Variants in MARCHF4 observed in about 807,000 individuals in gnomAD.
MARCHF4 encodes E3 ubiquitin-protein ligase MARCHF4.
MARCHF4 carries 14 observed loss-of-function variants against 43.9 expected under a neutral mutation model. That is an observed-to-expected ratio of 0.32 (90% CI 0.21 to 0.50). MARCHF4 has a LOEUF of 0.50. MARCHF4 is among the 20% of genes least tolerant of loss of function. MARCHF4 has a pLI of 0.98. For missense variants in MARCHF4, 468 were observed against 536.7 expected, an observed-to-expected ratio of 0.87 and a Z score of 1.27; for synonymous variants, 226 against 213.3, an observed-to-expected ratio of 1.06 and a Z score of -0.52.
rs556023424 is a variant in MARCHF4, at chr2:216,317,893, T to C, written c.517-34164A>G. ...GACAGTTTGTGCTGATGGAGGACAA[T>C]AGAAAGATCTCAGCCATTGTGCCAG... On this transcript the variant is annotated intron_variant, in intron 1 of 3. Transcript: ENST00000273067. 3.1e-4 allele frequency among the ~76,000 whole-genome samples: 47 copies of C among 152,198 alleles called. No individual in the cohort carries two copies. In the South Asian group the frequency reaches 3.5e-3, roughly 11 times the overall value.
chr2:216,320,122 C>A (rs1414425859), intron 1 of MARCHF4, among the ~76,000 whole-genome samples: 1 of 152,108 alleles, frequency 6.6e-6, no homozygotes, highest in Non-Finnish European at 1.5e-5. Context: ...CTGTAAGACA[C>A]AAAGATATAT....
At chr2:216,328,180 GT>G (rs945508136) in intron 1 of MARCHF4, among the ~76,000 whole-genome samples, 1 of 151,852 alleles carries the variant, frequency 6.6e-6, no homozygotes, top group African/African-American at 2.4e-5. Flanking sequence ...TTTTGTTTTG[GT>G]TTTTTTTGAG....
chr2:216,358,868 G>A (rs957969394), intron 1 of MARCHF4, among the ~76,000 whole-genome samples: 2 of 152,174 alleles, frequency 1.3e-5, no homozygotes, highest in African/African-American at 4.8e-5. Flanking sequence ...ACACTTCATT[G>A]TTGGGACTTA....
chr2:216,275,380 A>G (rs1424435730), intron 3 of MARCHF4, among the ~76,000 whole-genome samples: 1 of 152,180 alleles, frequency 6.6e-6, no homozygotes, highest in Non-Finnish European at 1.5e-5. Context: ...AGACCTATGC[A>G]TGACAGCCCC....
intron 3 of MARCHF4, 47 bp downstream of exon 3, chr2:216,277,625 G>T: frequency 6.5e-7 from 1 of 1,531,656 alleles, no homozygotes; most frequent in South Asian, 1.3e-5. Flanking sequence ...TCCATCCCAC[G>T]AGCACATGGT....
rs1026260177 is a variant in MARCHF4, at chr2:216,370,864, AG to A, written c.-605del. On this transcript the variant is annotated 5_prime_UTR_variant, in exon 1 of 4. Transcript: ENST00000273067. ...TGGTAGGGGTTGGGGGAGTCAAGGT[AG>A]GGGAGGAGAGAAGATTGGGAGAAGT... 2 of 151,488 alleles carry A rather than the reference AG, an allele frequency of 1.3e-5. No individual in the cohort carries two copies. Among genetic ancestry groups the A allele is most frequent in the African/African-American group, 4.9e-5 (2 of 41,126 alleles). The allele number at this position is 151,488 out of a possible 1,614,324, so 9.4% of individuals were successfully genotyped here.
chr2:216,354,898 T>TCTTTCTTTCTTTCTTTCTTCCTTC (rs1491431037), intron 1 of MARCHF4, among the ~76,000 whole-genome samples: 2 of 44,644 alleles, frequency 4.5e-5, no homozygotes, highest in Non-Finnish European at 8.1e-5. Context: ...TTGTTTTCTT[T>TCTTTCTTTCTTTCTTTCTTCCTTC]CTTTCTTTCT....
At chr2:216,272,576 G>GC (rs1279139109) in intron 3 of MARCHF4, among the ~76,000 whole-genome samples, 1 of 152,180 alleles carries the variant, frequency 6.6e-6, no homozygotes, top group African/African-American at 2.4e-5. Context: ...CCAATCCTCT[G>GC]CTCCACCATT....
rs192534513 is a variant in MARCHF4, at chr2:216,348,104, C to A, written c.516+21641G>T. On this transcript the variant is annotated intron_variant, in intron 1 of 3. Coordinates refer to ENST00000273067, the MANE Select transcript of MARCHF4 (RefSeq NM_020814.3). ...CCAGGCTGGAGTGCAATGGCGTGAT[C>A]TCAGCTCACTGAAACCTCCGCCTCC... Among the ~76,000 whole-genome samples the A allele has an allele frequency of 2.8e-5, 4 of 142,404 alleles. No individual in the cohort carries two copies. In the East Asian group the frequency reaches 8.7e-4, roughly 31 times the overall value. The allele number at this position is 142,404 out of a possible 152,430, so 93.4% of individuals were successfully genotyped here. A position where few individuals can be genotyped will look rare whatever the true frequency, so the allele number is the denominator to read the frequency against.
At chr2:216,321,282 T>C (rs975929761) in intron 1 of MARCHF4, among the ~76,000 whole-genome samples, 1 of 152,118 alleles carries the variant, frequency 6.6e-6, no homozygotes, top group African/African-American at 2.4e-5. Context: ...CAATGGTAAA[T>C]ACAAATAGAA....
At chr2:216,286,166 C>T (rs997521493) in intron 1 of MARCHF4, among the ~76,000 whole-genome samples, 8 of 152,188 alleles carry the variant, frequency 5.3e-5, no homozygotes, top group African/African-American at 1.2e-4. Context: ...TCCCCTCCAG[C>T]GAACCATTCA....
intron 1 of MARCHF4, among the ~76,000 whole-genome samples, chr2:216,364,438 C>G (rs553074020): frequency 6.6e-6 from 1 of 152,246 alleles, no homozygotes; most frequent in South Asian, 2.1e-4. Context: ...ACCCCTAGCT[C>G]TAGAGGACCC....
Position 216,259,599 on chromosome 2 carries a change from T to C in MARCHF4, c.946A>G (p.Asn316Asp), listed in dbSNP as rs368706261. The change falls in exon 4 of 4, where the codon AAC becomes GAC. Residue 316 changes from asparagine (N) to aspartate (D), a missense_variant. Coordinates refer to ENST00000273067, the MANE Select transcript of MARCHF4 (RefSeq NM_020814.3). The stretch of plus-strand genomic sequence containing the variant: ...TCCAGGTCTTTTGTCTTGTCATAGT[T>C]CAGCACTTTCCACTGCTGGTTGACA... ...QAVNQQWKVL[N>D]YDKTKDLEDQ... 3.1e-6 allele frequency: 5 copies of C among 1,614,202 alleles called. No individual in the cohort carries two copies. The highest frequency in any genetic ancestry group is 4.2e-6 in the Non-Finnish European group (5 of 1,180,020).
At chr2:216,344,152 G>T (rs991932128) in intron 1 of MARCHF4, among the ~76,000 whole-genome samples, 1 of 152,002 alleles carries the variant, frequency 6.6e-6, no homozygotes, top group Non-Finnish European at 1.5e-5. Flanking sequence ...AATGGGAAGT[G>T]GCATTTTTAC....
At chr2:216,266,594 C>T (rs1690848669) in intron 3 of MARCHF4, among the ~76,000 whole-genome samples, 1 of 152,176 alleles carries the variant, frequency 6.6e-6, no homozygotes, top group Admixed American at 6.5e-5. Flanking sequence ...CACAGAGAGG[C>T]ACTCTCCTTC....
rs890740487 is a variant in MARCHF4 at position 216,372,248 on chromosome 2, C to T, written c.-1988G>A. 2.0e-5 allele frequency among the ~76,000 whole-genome samples: 3 copies of T among 152,136 alleles called. No homozygotes were observed. The highest frequency in any genetic ancestry group is 4.8e-5 in the African/African-American group (2 of 41,426). On this transcript the variant is annotated 5_prime_UTR_variant, in exon 1 of 4. Transcript: ENST00000273067. ...GGTGGCGGGGCGGCGAGCTGACCGTCCGAGAACTGGAAACAAGGTTCTTGC... is the reference window on the plus strand; with the variant it reads ...GGTGGCGGGGCGGCGAGCTGACCGTTCGAGAACTGGAAACAAGGTTCTTGC...
chr2:216,293,561 A>C (rs939552408), intron 1 of MARCHF4, among the ~76,000 whole-genome samples: 17 of 123,204 alleles, frequency 1.4e-4, no homozygotes, highest in African/African-American at 5.5e-4. Context: ...TCTGCTCATC[A>C]TTTCAATGTA....
At chr2:216,305,479 C>T (rs1691570857) in intron 1 of MARCHF4, among the ~76,000 whole-genome samples, 1 of 152,156 alleles carries the variant, frequency 6.6e-6, no homozygotes, top group African/African-American at 2.4e-5. Flanking sequence ...ACCTTTCTTG[C>T]TCCGGCTCTA....
chr2:216,261,861 G>A lies in MARCHF4; in HGVS notation c.866-2182C>T, dbSNP rs547698283. 4.6e-5 allele frequency among the ~76,000 whole-genome samples: 7 copies of A among 152,242 alleles called. No homozygotes were observed. In the South Asian group the frequency reaches 1.5e-3, roughly 32 times the overall value. On this transcript the variant is annotated intron_variant, in intron 3 of 3. Transcript: ENST00000273067. Reference sequence around the variant, plus strand: ...GGTGGAGATAGGGCCAATGAATGAGGCTCAAAAGAAGCAACCAATGGGGTA... The same window carrying A: ...GGTGGAGATAGGGCCAATGAATGAGACTCAAAAGAAGCAACCAATGGGGTA...
Sources: gnomAD v4.1 joint callset for allele counts (sites outside exome capture counted in the v4.1 genomes callset) on GRCh38, gnomAD v4.1.1 for gene constraint, MANE v1.5 for transcripts, NCBI Gene and HGNC (gene_info 2026-07-23, HGNC 2026-07-21) for gene names.